CLIP2: variants seen among roughly 807,000 people sequenced by gnomAD.
CLIP2 encodes CAP-Gly domain-containing linker protein 2.
A neutral mutation model predicts 111.7 loss-of-function variants in CLIP2; 41 were observed. That is an observed-to-expected ratio of 0.37 (90% CI 0.29 to 0.48). The LOEUF is 0.48. CLIP2 is among the 20% of genes least tolerant of loss of function. The probability of loss-of-function intolerance (pLI) is 0.99; values close to 1 mark genes in which losing one functional copy is unlikely to be tolerated. For synonymous variants in CLIP2, 660 were observed against 644.2 expected (o/e 1.02, Z -0.37); for missense variants, 1,160 against 1,422.1 (o/e 0.82, Z 2.96).
rs567647055 is a variant in CLIP2, at chr7:74,311,201, G to A, written c.-67-6279G>A. On this transcript the variant is annotated intron_variant, in intron 1 of 16. Coordinates refer to ENST00000223398, the MANE Select transcript of CLIP2 (RefSeq NM_003388.5). ...TCACTGTGTTAGCCAGAATGGTCTC[G>A]ATTTCCTGAACTCGTGATCTGCCCG... Among the ~76,000 whole-genome samples the A allele has an allele frequency of 1.2e-3, 186 of 152,164 alleles. 2 individuals are homozygous for A. Among genetic ancestry groups the A allele is most frequent in the African/African-American group, 3.7e-3 (155 of 41,528 alleles).
chr7:74,338,590 C>G lies in CLIP2; in HGVS notation c.264C>G (p.Asn88Lys). The G allele has an allele frequency of 1.3e-6, 2 of 1,571,416 alleles. No homozygotes were observed. Among genetic ancestry groups the G allele is most frequent in the South Asian group, 1.2e-5 (1 of 86,590 alleles). The stretch of plus-strand genomic sequence containing the variant: ...TGGTGGGCGAGCGGGTGTGGGTGAA[C>G]GGCGTGAAGCCAGGCGTGGTGCAGT... Reference protein sequence around the residue: ...DFVVGERVWVNGVKPGVVQYL... With the variant: ...DFVVGERVWVKGVKPGVVQYL... Residue 88 changes from asparagine to lysine, a missense_variant, in exon 3 of 17, where the codon AAC becomes AAG. By Grantham distance (94) the Asn-to-Lys change is moderately conservative. Around this residue, in one of 5 missense-constraint regions of CLIP2, gnomAD observed 301 missense variants for 315.2 expected, o/e 0.96. Coordinates refer to ENST00000223398, the MANE Select transcript of CLIP2 (RefSeq NM_003388.5). This position sits in a 1 kb window ranked among gnomAD's most constrained non-coding sequence, Gnocchi z 4.3.
At chr7:74,306,942 C>T (rs1370181669) in intron 1 of CLIP2, among the ~76,000 whole-genome samples, 1 of 152,238 alleles carries the variant, frequency 6.6e-6, no homozygotes, top group Non-Finnish European at 1.5e-5. Flanking sequence ...CCTCCCACGT[C>T]GGCCACAGTG....
intron 1 of CLIP2, among the ~76,000 whole-genome samples, chr7:74,301,238 C>T (rs568540805): frequency 1.3e-5 from 2 of 152,208 alleles, no homozygotes; most frequent in African/African-American, 4.8e-5. Context: ...CTTTTGTGTG[C>T]ACTCTTTTTA....
chr7:74,336,884 T>A (rs1789485207), intron 2 of CLIP2, among the ~76,000 whole-genome samples: 1 of 42,484 alleles, frequency 2.4e-5, no homozygotes, highest in Non-Finnish European at 5.9e-5. Flanking sequence ...TGTTTTTTTT[T>A]GTTTTGTTTT....
At chr7:74,309,376 C>T (rs1167797380) in intron 1 of CLIP2, among the ~76,000 whole-genome samples, 6 of 152,142 alleles carry the variant, frequency 3.9e-5, no homozygotes, top group South Asian at 2.1e-4. Flanking sequence ...ACTATCACCA[C>T]ACCCCAGTTT....
chr7:74,390,205 GAA>G (rs1362646871), intron 13 of CLIP2, among the ~76,000 whole-genome samples: 1 of 99,078 alleles, frequency 1.0e-5, no homozygotes, highest in Admixed American at 9.6e-5. Flanking sequence ...AAGAAAGAAA[GAA>G]AGAAAGAAAG....
intron 1 of CLIP2, among the ~76,000 whole-genome samples, chr7:74,294,427 G>T (rs1441231019): frequency 1.3e-5 from 2 of 152,170 alleles, no homozygotes; most frequent in Admixed American, 1.3e-4. Flanking sequence ...TCTACTTAAC[G>T]GCTTCTGTCT....
Position 74,376,337 on chromosome 7 carries a change from A to G in CLIP2, c.1936A>G (p.Ile646Val). The change falls in exon 10 of 17, where the codon ATC (isoleucine) becomes GTC (valine). Residue 646 changes from isoleucine (I) to valine (V), a missense_variant. Around this residue, in one of 5 missense-constraint regions of CLIP2, gnomAD observed 676 missense variants for 777.8 expected, o/e 0.87. Coordinates refer to ENST00000223398, the MANE Select transcript of CLIP2 (RefSeq NM_003388.5). This position sits in a 1 kb window ranked among gnomAD's most constrained non-coding sequence, Gnocchi z 7.1. ...GGGCCCAGGCGCCCAGCAGAAGGAG[A>G]TCGGCGAGCTGAAGGCAGTGATGGA... ...NSGPGAQQKE[I>V]GELKAVMEGI... 6.2e-7 allele frequency: 1 copy of G among 1,613,886 alleles called. No homozygotes were observed. The highest frequency in any genetic ancestry group is 8.5e-7 in the Non-Finnish European group (1 of 1,180,020).
At chr7:74,359,083 C>T (rs951893636) in intron 6 of CLIP2, among the ~76,000 whole-genome samples, 25 of 151,756 alleles carry the variant, frequency 1.6e-4, no homozygotes, top group Admixed American at 4.6e-4. Flanking sequence ...CCTGCCTCAG[C>T]GTCCTTAGTA....
chr7:74,327,024 G>A (rs1400849337), intron 2 of CLIP2, among the ~76,000 whole-genome samples: 1 of 151,950 alleles, frequency 6.6e-6, no homozygotes, highest in East Asian at 1.9e-4. Flanking sequence ...TCCACCTCCC[G>A]GGTTCAAGAA....
chr7:74,388,887 T>C, intron 12 of CLIP2: 1 of 441,606 alleles, frequency 2.3e-6, no homozygotes, highest in South Asian at 4.1e-5. Context: ...GCTCAGGAGT[T>C]GGAGGCTGCA....
chr7:74,326,541 C>G (rs553127028), intron 2 of CLIP2, among the ~76,000 whole-genome samples: 1 of 152,238 alleles, frequency 6.6e-6, no homozygotes, highest in South Asian at 2.1e-4. Flanking sequence ...GTGTTACCCA[C>G]CCTTAGACGG....
intron 16 of CLIP2, among the ~76,000 whole-genome samples, chr7:74,402,872 T>C (rs1584399097): frequency 6.6e-6 from 1 of 151,608 alleles, no homozygotes; most frequent in Non-Finnish European, 1.5e-5. Context: ...CTGGCCTTGT[T>C]CTCCTGGCCA....
intron 10 of CLIP2, among the ~76,000 whole-genome samples, chr7:74,379,217 T>G (rs1355221106): frequency 1.3e-5 from 2 of 151,206 alleles, no homozygotes; most frequent in African/African-American, 4.9e-5. Flanking sequence ...TAATCCCAGC[T>G]ACTCAGGAGG....
Position 74,404,355 on chromosome 7 carries a change from A to C in CLIP2, c.*507A>C. 1 of 161,366 alleles carries C rather than the reference A, an allele frequency of 6.2e-6. No homozygotes were observed. Among genetic ancestry groups the C allele is most frequent in the Non-Finnish European group, 1.4e-5 (1 of 73,158 alleles). 10.0% of individuals were successfully genotyped at this position (161,366 alleles called of 1,614,324 possible). The stretch of plus-strand genomic sequence containing the variant: ...CTTTTCCGAAGCCACTTCCAGGCCA[A>C]GGCAGTCGCCAGGGCTTCTTGTCCC... On this transcript the variant is annotated 3_prime_UTR_variant, in exon 17 of 17. Coordinates refer to ENST00000223398, the MANE Select transcript of CLIP2 (RefSeq NM_003388.5).
Position 74,353,907 on chromosome 7 carries a change from C to T in CLIP2, c.706C>T (p.Arg236Trp), listed in dbSNP as rs782243428. ...TGGCGGGACGAAGACTGGCGTGGTG[C>T]GGTACGTGGGGGAGACAGACTTTGC... Reference protein sequence around the residue: ...LVGGTKTGVVRYVGETDFAKG... With the variant: ...LVGGTKTGVVWYVGETDFAKG... The change falls in exon 4 of 17, where the codon CGG becomes TGG. Residue 236 changes from arginine to tryptophan, a missense_variant. Physicochemically the swap from Arg to Trp is moderately radical, Grantham distance 101. This residue lies in a region of CLIP2 where 110 missense variants were observed against 185.2 expected (regional missense o/e 0.59). Coordinates refer to ENST00000223398, the MANE Select transcript of CLIP2 (RefSeq NM_003388.5). 1.9e-6 allele frequency: 3 copies of T among 1,614,118 alleles called. No homozygotes were observed. Among genetic ancestry groups the T allele is most frequent in the South Asian group, 1.1e-5 (1 of 91,090 alleles).
At position 74,389,015 on chromosome 7, in the gene CLIP2, G is replaced by A. The variant is rs539998846; in HGVS notation, c.2564-88G>A. The A allele has an allele frequency of 1.8e-5, 27 of 1,459,756 alleles. No homozygotes were observed. In the South Asian group the frequency reaches 3.7e-4, roughly 20 times the overall value. 90.4% of individuals were successfully genotyped at this position (1,459,756 alleles called of 1,614,324 possible). ...TCACCTTCATCCCCTGGGAGAATCA[G>A]CGCCCTGCCCAGGTCTTTGCCCTTG... On this transcript the variant is annotated intron_variant, in intron 12 of 16. Transcript: ENST00000223398.
At position 74,376,871 on chromosome 7, in the gene CLIP2, G is replaced by A. The variant is rs782189880; in HGVS notation, c.2421+49G>A. The A allele has an allele frequency of 1.2e-4, 176 of 1,468,578 alleles. No homozygotes were observed. The highest frequency in any genetic ancestry group is 1.5e-4 in the Non-Finnish European group (164 of 1,105,628). The allele number at this position is 1,468,578 out of a possible 1,614,324, so 91.0% of individuals were successfully genotyped here. A position where few individuals can be genotyped will look rare whatever the true frequency, so the allele number is the denominator to read the frequency against. ...GGGCGGGAGGGTCGGGCTGGGGAGG[G>A]CTTGGCCTTTTGCTGACCTCTGTTC... On this transcript the variant is annotated intron_variant, in intron 10 of 16. Coordinates refer to ENST00000223398, the MANE Select transcript of CLIP2 (RefSeq NM_003388.5). This position sits in a 1 kb window ranked among gnomAD's most constrained non-coding sequence, Gnocchi z 7.1.
At chr7:74,342,309 GAGAT>G (rs1554305505) in intron 3 of CLIP2, among the ~76,000 whole-genome samples, 1 of 152,026 alleles carries the variant, frequency 6.6e-6, no homozygotes, top group African/African-American at 2.4e-5. Context: ...CTGGGAGGCG[GAGAT>G]TGCAGAGAGC....
Sources: gnomAD v4.1 joint callset for allele counts (sites outside exome capture counted in the v4.1 genomes callset) on GRCh38, gnomAD v4.1.1 for gene constraint, gnomAD v4.1.1 regional missense constraint, Gnocchi (gnomAD v3.1) non-coding constraint, MANE v1.5 for transcripts, NCBI Gene and HGNC (gene_info 2026-07-23, HGNC 2026-07-21) for gene names.